Variants in SPINT1 observed in about 807,000 individuals in gnomAD.
The protein encoded by SPINT1 is kunitz-type protease inhibitor 1.
A neutral mutation model predicts 53.7 loss-of-function variants in SPINT1; 38 were observed. The ratio of observed to expected loss-of-function variants is 0.71; its 90% confidence interval spans 0.55 to 0.93. The LOEUF is 0.93. SPINT1 is among the 40% of genes least tolerant of loss of function. The probability of loss-of-function intolerance (pLI) is 0.00; values close to 1 mark genes in which losing one functional copy is unlikely to be tolerated. For missense variants in SPINT1, 645 were observed against 692.9 expected (o/e 0.93, Z 0.78); for synonymous variants, 283 against 280.6 (o/e 1.01, Z -0.08).
chr15:40,854,208 C>G, intron 6 of SPINT1, 122 bp downstream of exon 6: 1 of 1,367,516 alleles, frequency 7.3e-7, no homozygotes, highest in South Asian at 1.4e-5. Flanking sequence ...TGTGGAAGGA[C>G]CACAAACATC....
Position 40,856,912 on chromosome 15 carries a change from C to T in SPINT1, c.1479C>T (p.Ser493=). The change falls in exon 11 of 11, where the codon TCC becomes TCT. Residue 493 remains serine, a synonymous_variant. Transcript: ENST00000562057. Reference sequence around the variant, plus strand: ...ACCCACCACCCACCCCTGCCAGCTCCACTGTCTCCACTACCGAGGACACGG... The same window carrying T: ...ACCCACCACCCACCCCTGCCAGCTCTACTGTCTCCACTACCGAGGACACGG... The part of the protein sequence containing the change: ...HHHPPPTPAS[S]TVSTTEDTEH... 6.2e-7 allele frequency: 1 copy of T among 1,614,236 alleles called. No homozygotes were observed. Among genetic ancestry groups the T allele is most frequent in the Non-Finnish European group, 8.5e-7 (1 of 1,180,046 alleles).
rs1418412958 is a variant in SPINT1, at chr15:40,856,943, C to G, written c.1510C>G (p.Leu504Val). Residue 504 changes from leucine (L) to valine (V), a missense_variant, in exon 11 of 11, where the codon CTG (leucine) becomes GTG (valine). Physicochemically the swap from Leu to Val is conservative, Grantham distance 32. Transcript: ENST00000562057. ...TVSTTEDTEH[L>V]VYNHTTRPL Reference sequence around the variant, plus strand: ...CTCCACTACCGAGGACACGGAGCACCTGGTCTATAACCACACCACGCGGCC... The same window carrying G: ...CTCCACTACCGAGGACACGGAGCACGTGGTCTATAACCACACCACGCGGCC... 5 of 1,613,976 alleles carry G rather than the reference C, an allele frequency of 3.1e-6. No individual in the cohort carries two copies. Among genetic ancestry groups the G allele is most frequent in the Admixed American group, 3.3e-5 (2 of 60,004 alleles).
At chr15:40,846,595 C>G (rs1481053313) in intron 2 of SPINT1, among the ~76,000 whole-genome samples, 7 of 152,184 alleles carry the variant, frequency 4.6e-5, no homozygotes, top group Non-Finnish European at 1.0e-4. Context: ...TGGTAAAAAC[C>G]TAGCATTCTG....
rs1316782513 is a variant in SPINT1, at chr15:40,844,696, G to GC, written c.144dup (p.Asp49ArgfsTer147). The GC allele has an allele frequency of 1.2e-6, 2 of 1,607,806 alleles. No homozygotes were observed. The highest frequency in any genetic ancestry group is 1.7e-6 in the Non-Finnish European group (2 of 1,177,216). On this transcript the variant is annotated frameshift_variant, in exon 2 of 11. Coordinates refer to ENST00000562057, the MANE Select transcript of SPINT1 (RefSeq NM_003710.4). LOFTEE classifies it high-confidence loss of function. This position sits in a 1 kb window ranked among gnomAD's most constrained non-coding sequence, Gnocchi z 5.8. ...CGCGCCCCCTGGGCTGCCCGCGGGA[G>GC]CCGACTGCCTGAACAGCTTTACCGC...
intron 2 of SPINT1, among the ~76,000 whole-genome samples, chr15:40,852,536 C>T (rs1274536685): frequency 6.6e-6 from 1 of 152,064 alleles, no homozygotes; most frequent in Admixed American, 6.6e-5. Context: ...AAGGGCGTGG[C>T]TCCCGGGACC....
In SPINT1 at chr15:40,844,551, G is replaced by A. The variant is rs767493476; in HGVS notation, c.-4G>A. 6.2e-7 allele frequency: 1 copy of A among 1,610,674 alleles called. No individual in the cohort carries two copies. Among genetic ancestry groups the A allele is most frequent in the Non-Finnish European group, 8.5e-7 (1 of 1,179,254 alleles). On this transcript the variant is annotated 5_prime_UTR_variant, in exon 2 of 11. Transcript: ENST00000562057. This position sits in a 1 kb window ranked among gnomAD's most constrained non-coding sequence, Gnocchi z 5.8. ...TGAAGGTGACCCCCCTGGGGAGGAA[G>A]GCGATGGCCCCTGCGAGGACGATGG... is the stretch of plus-strand genomic sequence containing the variant.
chr15:40,854,218 C>T lies in SPINT1; in HGVS notation c.940+132C>T, dbSNP rs1056883650. On this transcript the variant is annotated intron_variant, in intron 6 of 10. Coordinates refer to ENST00000562057, the MANE Select transcript of SPINT1 (RefSeq NM_003710.4). Reference sequence around the variant, plus strand: ...GAGTTTGTGGAAGGACCACAAACATCCCACCCCTTCCAGCCCAGCATCGTC... The same window carrying T: ...GAGTTTGTGGAAGGACCACAAACATTCCACCCCTTCCAGCCCAGCATCGTC... 23 of 1,353,290 alleles carry T rather than the reference C, an allele frequency of 1.7e-5. 1 individual carries two copies. The African/African-American group carries it at 2.8e-4, about 16-fold the overall frequency. 83.8% of individuals were successfully genotyped at this position (1,353,290 alleles called of 1,614,324 possible). A position where few individuals can be genotyped will look rare whatever the true frequency, so the allele number is the denominator to read the frequency against.
At chr15:40,852,930 C>T (rs2142011881) in intron 2 of SPINT1, among the ~76,000 whole-genome samples, 194 bp from the exon 3 acceptor site, 1 of 151,660 alleles carries the variant, frequency 6.6e-6, no homozygotes, top group South Asian at 2.1e-4. Context: ...CTTCAGTATA[C>T]CAAAAACATG....
intron 2 of SPINT1, among the ~76,000 whole-genome samples, chr15:40,848,571 C>A (rs1439435511): frequency 1.3e-5 from 2 of 152,068 alleles, no homozygotes; most frequent in African/African-American, 4.8e-5. Flanking sequence ...TAATAATAAA[C>A]CCTAAGGTAG....
In SPINT1 at chr15:40,853,718, C is replaced by T. The variant is rs374993828; in HGVS notation, c.750C>T (p.Cys250=). ...ATAAGCTCTCCCCCCTAGACTACTG[C>T]CTCGCATCCAACAAGGTGGGTCGCT... ...VLSTKQTEDY[C]LASNKVGRCR... is the part of the protein sequence containing the mutation. Residue 250 remains cysteine (C), a synonymous_variant, in exon 5 of 11, where the codon TGC becomes TGT. Transcript: ENST00000562057. The T allele has an allele frequency of 1.9e-4, 301 of 1,614,110 alleles. No homozygotes were observed. Among genetic ancestry groups the T allele is most frequent in the Admixed American group, 1.4e-3 (87 of 60,032 alleles).
intron 2 of SPINT1, among the ~76,000 whole-genome samples, chr15:40,846,040 T>C (rs1891286175): frequency 6.6e-6 from 1 of 152,148 alleles, no homozygotes; most frequent in African/African-American, 2.4e-5. Context: ...AGGAGGGTTG[T>C]GGGGTGAGTC....
intron 2 of SPINT1, among the ~76,000 whole-genome samples, chr15:40,851,091 C>T (rs962694136): frequency 6.6e-6 from 1 of 152,130 alleles, no homozygotes; most frequent in African/African-American, 2.4e-5. Context: ...TCAAGCCCAG[C>T]GAACTGGCCT....
chr15:40,848,346 G>A (rs1566853506), intron 2 of SPINT1, among the ~76,000 whole-genome samples: 1 of 152,156 alleles, frequency 6.6e-6, no homozygotes, highest in Non-Finnish European at 1.5e-5. Flanking sequence ...CTCTGTGGAG[G>A]GTAGTTGGGC....
intron 9 of SPINT1, 75 bp from the exon 10 acceptor site, chr15:40,856,201 G>A: frequency 2.5e-6 from 4 of 1,597,280 alleles, no homozygotes; most frequent in Non-Finnish European, 3.4e-6. Flanking sequence ...GCCAGTGTGA[G>A]GTCTGGGGCA....
At chr15:40,848,677 AATGAAT>A (rs939807625) in intron 2 of SPINT1, among the ~76,000 whole-genome samples, 45 of 152,222 alleles carry the variant, frequency 3.0e-4, no homozygotes, top group Non-Finnish European at 6.5e-4. Context: ...GCATTTATAC[AATGAAT>A]ATGATACAAC....
At position 40,855,884 on chromosome 15, in the gene SPINT1, C is replaced by T; in HGVS notation, c.1118-8C>T. The T allele has an allele frequency of 6.2e-7, 1 of 1,607,184 alleles. No individual in the cohort carries two copies. The highest frequency in any genetic ancestry group is 8.5e-7 in the Non-Finnish European group (1 of 1,175,086). On this transcript the variant is annotated splice_polypyrimidine_tract_variant and splice_region_variant and intron_variant, in intron 8 of 10. Coordinates refer to ENST00000562057, the MANE Select transcript of SPINT1 (RefSeq NM_003710.4). Reference sequence around the variant, plus strand: ...CTCGCTCACCATAGCCTACCCCATACCCCCCAGGGCACTGCGTGGACCTGC... The same window carrying T: ...CTCGCTCACCATAGCCTACCCCATATCCCCCAGGGCACTGCGTGGACCTGC...
chr15:40,854,343 G>A (rs1891562952), intron 6 of SPINT1, 54 bp from the exon 7 acceptor site: 2 of 1,512,230 alleles, frequency 1.3e-6, no homozygotes, highest in Non-Finnish European at 1.8e-6. Context: ...AGTAGAAGGT[G>A]GGCCCTGGGC....
chr15:40,857,958 T>G lies in SPINT1; in HGVS notation c.*983T>G, dbSNP rs1891706634. 6.6e-6 allele frequency: 1 copy of G among 152,202 alleles called. No homozygotes were observed. Among genetic ancestry groups the G allele is most frequent in the Non-Finnish European group, 1.5e-5 (1 of 68,058 alleles). The allele number at this position is 152,202 out of a possible 1,614,324, so 9.4% of individuals were successfully genotyped here. A position where few individuals can be genotyped will look rare whatever the true frequency, so the allele number is the denominator to read the frequency against. On this transcript the variant is annotated 3_prime_UTR_variant, in exon 11 of 11. Coordinates refer to ENST00000562057, the MANE Select transcript of SPINT1 (RefSeq NM_003710.4). ...GTGGTTGAGCTCTCCACAATTCTGC[T>G]CATTTGGAGGTTGGGGTTAGGGGTG...
intron 2 of SPINT1, among the ~76,000 whole-genome samples, chr15:40,851,177 C>T (rs1357088115): frequency 8.8e-5 from 13 of 147,882 alleles, no homozygotes; most frequent in Admixed American, 1.4e-4. Context: ...TTTTTTTAAA[C>T]GGAGTCTTGC....
Sources: gnomAD v4.1 joint callset for allele counts (sites outside exome capture counted in the v4.1 genomes callset) on GRCh38, gnomAD v4.1.1 for gene constraint, Gnocchi (gnomAD v3.1) non-coding constraint, MANE v1.5 for transcripts, NCBI Gene and HGNC (gene_info 2026-07-23, HGNC 2026-07-21) for gene names.